Variants in BAZ1A observed in about 807,000 individuals in gnomAD.
BAZ1A encodes bromodomain adjacent to zinc finger domain 1A, also known as bromodomain adjacent to zinc finger domain protein 1A.
In BAZ1A, 50 loss-of-function variants were observed where a neutral mutation model predicts 185.2. The ratio of observed to expected loss-of-function variants is 0.27; its 90% CI spans 0.22 to 0.34. BAZ1A has a LOEUF of 0.34. BAZ1A is among the 10% of genes least tolerant of loss of function. The pLI is 1.00. For missense variants in BAZ1A, 1,356 were observed against 1,839.9 expected (o/e 0.74, Z 4.81); for synonymous variants, 571 against 615.6 (o/e 0.93, Z 1.07).
chr14:34,837,778 T>C (rs1594890286), intron 3 of BAZ1A, among the ~76,000 whole-genome samples: 1 of 152,294 alleles, frequency 6.6e-6, no homozygotes, highest in Admixed American at 6.5e-5. Context: ...TATTCAATTG[T>C]TTGTGGGCTC....
intron 6 of BAZ1A, 118 bp from the exon 7 acceptor site, chr14:34,803,106 C>G: frequency 9.2e-7 from 1 of 1,090,468 alleles, no homozygotes; most frequent in South Asian, 1.5e-5. Flanking sequence ...ATAGGCTGGG[C>G]ACAGTGGCTC....
At chr14:34,815,593 C>T (rs2041994038) in intron 4 of BAZ1A, among the ~76,000 whole-genome samples, 1 of 152,124 alleles carries the variant, frequency 6.6e-6, no homozygotes, top group Admixed American at 6.5e-5. Context: ...AACAAAATTT[C>T]ACAAATGTTT....
chr14:34,768,985 A>T (rs193073814), intron 21 of BAZ1A, among the ~76,000 whole-genome samples: 224 of 152,250 alleles, frequency 1.5e-3, no homozygotes, highest in Non-Finnish European at 2.6e-3. Context: ...AATAAAAGGG[A>T]CATATTAGAG....
At chr14:34,808,460 T>C (rs1403219821) in intron 5 of BAZ1A, among the ~76,000 whole-genome samples, 2 of 152,068 alleles carry the variant, frequency 1.3e-5, no homozygotes, top group African/African-American at 4.8e-5. Flanking sequence ...ATCGTGCTGC[T>C]GCACTCTAGT....
chr14:34,772,304 T>C (rs1044125224), intron 20 of BAZ1A, among the ~76,000 whole-genome samples: 1 of 152,106 alleles, frequency 6.6e-6, no homozygotes, highest in Admixed American at 6.6e-5. Flanking sequence ...CCTTTGTACA[T>C]GGTTTTTCTT....
At chr14:34,769,460 C>T (rs919661398) in intron 21 of BAZ1A, among the ~76,000 whole-genome samples, 9 of 152,016 alleles carry the variant, frequency 5.9e-5, no homozygotes, top group Admixed American at 6.6e-5. Flanking sequence ...GTTTGAAAAC[C>T]ACTGTATACA....
At chr14:34,822,181 G>C (rs1219665368) in intron 4 of BAZ1A, among the ~76,000 whole-genome samples, 1 of 152,152 alleles carries the variant, frequency 6.6e-6, no homozygotes, top group Non-Finnish European at 1.5e-5. Flanking sequence ...TGTAATCCCA[G>C]CTACTTGGGA....
At chr14:34,801,049 C>T in intron 8 of BAZ1A, 45 bp downstream of exon 8, 1 of 1,389,682 alleles carries the variant, frequency 7.2e-7, no homozygotes, top group Non-Finnish European at 9.8e-7. Flanking sequence ...GAGAAATATT[C>T]TTTCTTATTC....
At chr14:34,798,934 C>T (rs1881353910) in intron 9 of BAZ1A, among the ~76,000 whole-genome samples, 1 of 152,102 alleles carries the variant, frequency 6.6e-6, no homozygotes, top group Non-Finnish European at 1.5e-5. Context: ...CACATGCACA[C>T]ATATGTTTAT....
chr14:34,762,281 A>G (rs1886557984), intron 23 of BAZ1A, 58 bp from the exon 24 acceptor site: 1 of 1,475,478 alleles, frequency 6.8e-7, no homozygotes, highest in Admixed American at 1.9e-5. Context: ...ACATATGATT[A>G]GCTCTATTCT....
chr14:34,771,862 A>G (rs1320588060), intron 20 of BAZ1A, among the ~76,000 whole-genome samples: 1 of 152,162 alleles, frequency 6.6e-6, no homozygotes, highest in East Asian at 1.9e-4. Context: ...AAGAAGAGGG[A>G]AGGCTTATGG....
intron 17 of BAZ1A, among the ~76,000 whole-genome samples, chr14:34,777,072 T>G (rs1879679359): frequency 1.3e-5 from 2 of 152,246 alleles, no homozygotes; most frequent in Non-Finnish European, 2.9e-5. Context: ...TAGAGTATGT[T>G]AGTTCTCCTC....
intron 4 of BAZ1A, among the ~76,000 whole-genome samples, chr14:34,817,832 G>A (rs1388210403): frequency 6.6e-6 from 1 of 152,152 alleles, no homozygotes; most frequent in Non-Finnish European, 1.5e-5. Context: ...TTAAAAACCA[G>A]AGTATAACAA....
intron 21 of BAZ1A, among the ~76,000 whole-genome samples, chr14:34,767,430 G>A (rs1447260731): frequency 6.6e-6 from 1 of 152,106 alleles, no homozygotes; most frequent in Non-Finnish European, 1.5e-5. Flanking sequence ...GGTGCCTGTA[G>A]TCCCAGCTAC....
intron 21 of BAZ1A, among the ~76,000 whole-genome samples, chr14:34,767,264 T>C (rs1434755475): frequency 6.6e-6 from 1 of 152,192 alleles, no homozygotes; most frequent in African/African-American, 2.4e-5. Context: ...TAACGTCTAA[T>C]TGGAGCCAGA....
intron 21 of BAZ1A, among the ~76,000 whole-genome samples, chr14:34,766,499 A>T (rs535769703): frequency 1.8e-4 from 28 of 152,258 alleles, no homozygotes; most frequent in African/African-American, 6.3e-4. Flanking sequence ...CAGGGTGGTT[A>T]GTCCCTCTCT....
At position 34,784,367 on chromosome 14, in the gene BAZ1A, C is replaced by CAAAAA. The variant is rs368815964; in HGVS notation, c.1832-445_1832-441dup. Among the ~76,000 whole-genome samples, 19 of 77,176 alleles carry CAAAAA rather than the reference C, an allele frequency of 2.5e-4. 2 individuals are homozygous for CAAAAA. Among genetic ancestry groups the CAAAAA allele is most frequent in the African/African-American group, 1.0e-3 (17 of 16,418 alleles). The allele number at this position is 77,176 out of a possible 152,430, so 50.6% of individuals were successfully genotyped here. On this transcript the variant is annotated intron_variant, in intron 14 of 26. Transcript: ENST00000360310. ...TGGGCAACTGAGTGAGACTCTGTCTCAAAAAAAAAAAAAAAAAAAAAAAAA... is the reference window on the plus strand; with the variant it reads ...TGGGCAACTGAGTGAGACTCTGTCTCAAAAAAAAAAAAAAAAAAAAAAAAAAAAAA...
intron 26 of BAZ1A, among the ~76,000 whole-genome samples, chr14:34,754,042 C>T (rs1594800575): frequency 6.6e-6 from 1 of 152,066 alleles, no homozygotes; most frequent in East Asian, 1.9e-4. Flanking sequence ...CACCTGAGGT[C>T]AGGAGTTCGA....
Position 34,862,146 on chromosome 14 carries a change from T to C in BAZ1A, c.290A>G (p.His97Arg), listed in dbSNP as rs773822783. ...ACAAATTTCATGTAAGCGCGAACGA[T>C]GGGTAAGGCTGGTCAAGTATAAAAC... ...IPVLYLTSLT[H>R]RSRLHEICDD... Residue 97 changes from histidine to arginine, a missense_variant, in exon 3 of 27, where the codon CAT becomes CGT. Coordinates refer to ENST00000360310, the MANE Select transcript of BAZ1A (RefSeq NM_013448.3). 5 of 1,614,158 alleles carry C rather than the reference T, an allele frequency of 3.1e-6. No homozygotes were observed. The highest frequency in any genetic ancestry group is 4.2e-6 in the Non-Finnish European group (5 of 1,180,032).
Sources: gnomAD v4.1 joint callset for allele counts (sites outside exome capture counted in the v4.1 genomes callset) on GRCh38, gnomAD v4.1.1 for gene constraint, MANE v1.5 for transcripts, NCBI Gene and HGNC (gene_info 2026-07-23, HGNC 2026-07-21) for gene names.